The following ZFAT variants were observed in gnomAD, a reference collection of about 807,000 sequenced individuals.
ZFAT encodes the protein zinc finger and AT-hook domain containing.
ZFAT carries 64 observed loss-of-function variants against 117.7 expected under a neutral mutation model. The ratio of observed to expected loss-of-function variants is 0.54; its 90% CI spans 0.44 to 0.67. The LOEUF is 0.67. Ranked by LOEUF, ZFAT falls within the 30% of genes least tolerant of loss-of-function variation. The probability of loss-of-function intolerance (pLI) is 0.00; values close to 1 mark genes in which losing one functional copy is unlikely to be tolerated. For missense variants in ZFAT, 1,433 were observed against 1,584.5 expected (o/e 0.90, Z 1.62); for synonymous variants, 679 against 615.0 (o/e 1.10, Z -1.54).
chr8:134,573,511 T>TA (rs1825087799), intron 10 of ZFAT, among the ~76,000 whole-genome samples: 1 of 152,194 alleles, frequency 6.6e-6, no homozygotes, highest in African/African-American at 2.4e-5. Context: ...AGTTTTCAGT[T>TA]AGACATCTTT....
chr8:134,813,827 C>T, the ZFAT span, among the ~76,000 whole-genome samples: 1 of 150,578 alleles, frequency 6.6e-6, no homozygotes, highest in Non-Finnish European at 1.5e-5. Flanking sequence ...CACACACACA[C>T]ACACACACAC....
chr8:134,545,145 G>A (rs1401737767), intron 11 of ZFAT, among the ~76,000 whole-genome samples: 5 of 152,168 alleles, frequency 3.3e-5, no homozygotes, highest in South Asian at 2.1e-4. Context: ...GCAAAGAAAC[G>A]GGTGAACTAG....
the ZFAT span, among the ~76,000 whole-genome samples, chr8:134,832,312 C>T: frequency 6.6e-6 from 1 of 151,826 alleles, no homozygotes; most frequent in Non-Finnish European, 1.5e-5. Context: ...GGGAGAGCGG[C>T]TGTGCGCGCG....
chr8:134,801,866 T>C, the ZFAT span, among the ~76,000 whole-genome samples: 2 of 152,230 alleles, frequency 1.3e-5, no homozygotes, highest in Non-Finnish European at 2.9e-5. Flanking sequence ...GAATGTAAGA[T>C]GAGCTCTGTG....
chr8:134,506,918 A>G (rs1202683289), intron 15 of ZFAT, among the ~76,000 whole-genome samples: 5 of 152,344 alleles, frequency 3.3e-5, no homozygotes, highest in Non-Finnish European at 7.3e-5. Context: ...ATGATGAGGA[A>G]TTCTTGCTTT....
chr8:134,670,392 A>G (rs1295180606), intron 1 of ZFAT, among the ~76,000 whole-genome samples: 1 of 152,284 alleles, frequency 6.6e-6, no homozygotes, highest in Non-Finnish European at 1.5e-5. Context: ...CAGAAATTAT[A>G]ACAAACTGTC....
At chr8:134,595,072 G>C (rs370857991) in intron 7 of ZFAT, among the ~76,000 whole-genome samples, 1 of 152,174 alleles carries the variant, frequency 6.6e-6, no homozygotes, top group Admixed American at 6.5e-5. Context: ...GACTCTGACT[G>C]AGGAGGTCAT....
At chr8:134,703,416 T>C (rs550488792) in intron 1 of ZFAT, among the ~76,000 whole-genome samples, 1 of 152,316 alleles carries the variant, frequency 6.6e-6, no homozygotes, top group East Asian at 1.9e-4. Context: ...TTCCTGGGAG[T>C]ACCATTCCCA....
rs975441398 is a variant in ZFAT, at chr8:134,581,175, T to G, written c.2887+2657A>C. On this transcript the variant is annotated intron_variant, in intron 10 of 15. Transcript: ENST00000377838. ...AATTAAAAAGGAAATGACTCACCTATAGCTTAATTAAAGCTACATCCTAGA... is the reference window on the plus strand; with the variant it reads ...AATTAAAAAGGAAATGACTCACCTAGAGCTTAATTAAAGCTACATCCTAGA... Among the ~76,000 whole-genome samples, 55 of 152,082 alleles carry G rather than the reference T, an allele frequency of 3.6e-4. 1 individual carries two copies. Among genetic ancestry groups the G allele is most frequent in the Admixed American group, 2.2e-3 (33 of 15,252 alleles).
At chr8:134,484,195 T>A (rs1373024123) in intron 15 of ZFAT, among the ~76,000 whole-genome samples, 3 of 152,188 alleles carry the variant, frequency 2.0e-5, no homozygotes, top group Admixed American at 2.0e-4. Context: ...ACAATCCACC[T>A]CTGCACAGAT....
At chr8:134,693,260 A>G (rs1415435469) in intron 1 of ZFAT, among the ~76,000 whole-genome samples, 1 of 150,658 alleles carries the variant, frequency 6.6e-6, no homozygotes, top group Non-Finnish European at 1.5e-5. Context: ...TGAGCCCAGA[A>G]TCTCTTGTAC....
the ZFAT span, among the ~76,000 whole-genome samples, chr8:134,740,284 C>T: frequency 4.6e-5 from 7 of 152,158 alleles, no homozygotes; most frequent in East Asian, 1.3e-3. Context: ...AGCCTGAAGG[C>T]AAACACACTT....
At chr8:134,502,844 T>A (rs893464800) in intron 15 of ZFAT, among the ~76,000 whole-genome samples, 21 of 152,344 alleles carry the variant, frequency 1.4e-4, no homozygotes, top group African/African-American at 5.1e-4. Flanking sequence ...TGGGTGCCCA[T>A]GGGTCTGAGG....
chr8:134,600,792 T>G, intron 6 of ZFAT, 124 bp from the exon 7 acceptor site: 3 of 773,842 alleles, frequency 3.9e-6, no homozygotes, highest in Non-Finnish European at 5.9e-6. Context: ...GGGTCACCCT[T>G]CATACTTTTC....
the ZFAT span, among the ~76,000 whole-genome samples, chr8:134,812,004 C>G: frequency 6.6e-6 from 1 of 152,032 alleles, no homozygotes; most frequent in Non-Finnish European, 1.5e-5. Flanking sequence ...ATTAGCTGGG[C>G]ATCATGGCAG....
chr8:134,674,500 G>A (rs1832702132), intron 1 of ZFAT, among the ~76,000 whole-genome samples: 1 of 152,206 alleles, frequency 6.6e-6, no homozygotes, highest in Non-Finnish European at 1.5e-5. Flanking sequence ...GAACTGCATG[G>A]AGCCCACCAC....
chr8:134,725,657 G>A, the ZFAT span, among the ~76,000 whole-genome samples: 1 of 151,922 alleles, frequency 6.6e-6, no homozygotes, highest in East Asian at 1.9e-4. Flanking sequence ...GTGAGATTTG[G>A]ATGGGGACAC....
the ZFAT span, among the ~76,000 whole-genome samples, chr8:134,731,063 G>GA: frequency 6.6e-6 from 1 of 152,188 alleles, no homozygotes; most frequent in African/African-American, 2.4e-5. Context: ...GTCGGGGGCA[G>GA]AAAAAATGTC....
chr8:134,616,938 G>A (rs1828787612), intron 3 of ZFAT, among the ~76,000 whole-genome samples: 1 of 152,158 alleles, frequency 6.6e-6, no homozygotes, highest in African/African-American at 2.4e-5. Flanking sequence ...CTGTAAGGTG[G>A]AAGAACACAA....
Sources: allele counts gnomAD v4.1 joint callset (sites outside exome capture counted in the v4.1 genomes callset), GRCh38; gene constraint gnomAD v4.1.1; transcripts MANE v1.5; gene names NCBI Gene and HGNC (gene_info 2026-07-23, HGNC 2026-07-21).